The following DIP2A variants were observed in gnomAD, a reference collection of about 807,000 sequenced individuals.
DIP2A encodes disco-interacting protein 2 homolog A.
Under a neutral mutation model 177.4 loss-of-function variants are expected in DIP2A, and 85 were observed. The ratio of observed to expected loss-of-function variants is 0.48; its 90% confidence interval spans 0.40 to 0.57. DIP2A has a LOEUF of 0.57. Ranked by LOEUF, DIP2A falls within the 20% of genes least tolerant of loss-of-function variation. The probability of loss-of-function intolerance (pLI) is 0.00; values close to 1 mark genes in which losing one functional copy is unlikely to be tolerated. For synonymous variants in DIP2A, 886 were observed against 881.8 expected (o/e 1.00, Z -0.08); for missense variants, 1,791 against 2,100.2 (o/e 0.85, Z 2.88).
At chr21:46,543,599 G>A (rs1000064049) in intron 18 of DIP2A, among the ~76,000 whole-genome samples, 6 of 107,576 alleles carry the variant, frequency 5.6e-5, no homozygotes, top group Non-Finnish European at 9.9e-5. Flanking sequence ...CACAGCCCCC[G>A]GGCTGTACCC....
intron 8 of DIP2A, among the ~76,000 whole-genome samples, chr21:46,527,394 C>T (rs574110050): frequency 1.1e-4 from 15 of 137,230 alleles, no homozygotes; most frequent in Admixed American, 7.9e-5. Flanking sequence ...GGCACAGTCT[C>T]GTCTCACTGC....
chr21:46,549,743 G>A, intron 21 of DIP2A, 28 bp from the exon 22 acceptor site: 1 of 1,611,592 alleles, frequency 6.2e-7, no homozygotes, highest in Non-Finnish European at 8.5e-7. Context: ...CTCTTGCCGT[G>A]TGGCCATTTC....
intron 1 of DIP2A, among the ~76,000 whole-genome samples, chr21:46,476,079 CAAA>C (rs34733342): frequency 1.6e-4 from 22 of 134,578 alleles, no homozygotes; most frequent in Non-Finnish European, 1.6e-4. Flanking sequence ...ACTAAAAATA[CAAA>C]AAAAAAAAAA....
intron 23 of DIP2A, 138 bp from the exon 24 acceptor site, chr21:46,551,496 T>C: frequency 1.4e-6 from 1 of 728,516 alleles, no homozygotes; most frequent in South Asian, 1.9e-5. Flanking sequence ...TAGCTAGCTT[T>C]CTGAATATTT....
intron 23 of DIP2A, 145 bp downstream of exon 23, chr21:46,550,889 C>T: frequency 2.4e-6 from 2 of 840,256 alleles, no homozygotes; most frequent in Admixed American, 2.5e-5. Flanking sequence ...GAGTGTGCAC[C>T]CCAGAATGGT....
intron 8 of DIP2A, among the ~76,000 whole-genome samples, chr21:46,514,253 TGA>T (rs2058445231): frequency 6.6e-6 from 1 of 151,958 alleles, no homozygotes; most frequent in Admixed American, 6.6e-5. Flanking sequence ...GCTAACGCGG[TGA>T]AACCCCGTCT....
At chr21:46,554,339 C>T in intron 26 of DIP2A, 47 bp downstream of exon 26, 1 of 1,607,768 alleles carries the variant, frequency 6.2e-7, no homozygotes, top group East Asian at 2.2e-5. Context: ...TGTAAGCAGC[C>T]TCCTATCCTA....
Position 46,537,171 on chromosome 21 carries a change from A to G in DIP2A, c.1643-53A>G. 2 of 1,585,722 alleles carry G rather than the reference A, an allele frequency of 1.3e-6. No homozygotes were observed. The highest frequency in any genetic ancestry group is 1.7e-6 in the Non-Finnish European group (2 of 1,154,148). On this transcript the variant is annotated intron_variant, in intron 13 of 37. Coordinates refer to ENST00000417564, the MANE Select transcript of DIP2A (RefSeq NM_015151.4). This position sits in a 1 kb window ranked among gnomAD's most constrained non-coding sequence, Gnocchi z 4.1. ...CTCAGAATTTCTCTAGAAAATGCAT[A>G]GGGCTTATTGAGAGGGTTGCTCAGT...
chr21:46,582,195 G>T, the DIP2A span, among the ~76,000 whole-genome samples: 1 of 152,190 alleles, frequency 6.6e-6, no homozygotes, highest in Non-Finnish European at 1.5e-5. Context: ...ATGGATCTGG[G>T]TCCCACCTAA....
rs2060516937 is a variant in DIP2A at position 46,557,722 on chromosome 21, A to G, written c.3767A>G (p.Lys1256Arg). 1 of 1,612,934 alleles carries G rather than the reference A, an allele frequency of 6.2e-7. No homozygotes were observed. The highest frequency in any genetic ancestry group is 1.7e-4 in the Middle Eastern group (1 of 6,060). Residue 1256 changes from lysine to arginine, a missense_variant, in exon 31 of 38, where the codon AAG (lysine) becomes AGG (arginine). Coordinates refer to ENST00000417564, the MANE Select transcript of DIP2A (RefSeq NM_015151.4). The surrounding 1 kb of genome is among the most constrained non-coding windows in gnomAD (Gnocchi z 6.0). ...CSYSVMEMCT[K>R]GLGAQTGVLR... ...TACTCTGTGATGGAGATGTGCACCAAGGGCCTAGGCGCACAGACGGGTGTC... is the reference window on the plus strand; with the variant it reads ...TACTCTGTGATGGAGATGTGCACCAGGGGCCTAGGCGCACAGACGGGTGTC...
intron 1 of DIP2A, among the ~76,000 whole-genome samples, chr21:46,467,295 C>CAAAA (rs527776306): frequency 4.4e-5 from 5 of 113,462 alleles, no homozygotes; most frequent in Non-Finnish European, 5.4e-5. Context: ...GACTCCGTCT[C>CAAAA]AAAAAAAAAA....
chr21:46,565,275 G>A (rs964349263), intron 35 of DIP2A, among the ~76,000 whole-genome samples: 2 of 152,368 alleles, frequency 1.3e-5, no homozygotes, highest in South Asian at 2.1e-4. Context: ...ACCCTGGGAT[G>A]TGCCGTCTGT....
chr21:46,501,750 T>G (rs1004921202), intron 5 of DIP2A, among the ~76,000 whole-genome samples: 4 of 152,226 alleles, frequency 2.6e-5, no homozygotes, highest in Admixed American at 6.5e-5. Flanking sequence ...AAAAACTACT[T>G]GTAGTACATG....
intron 36 of DIP2A, 104 bp from the exon 37 acceptor site, chr21:46,566,456 A>C: frequency 1.3e-6 from 2 of 1,493,666 alleles, no homozygotes; most frequent in Non-Finnish European, 1.8e-6. Flanking sequence ...TTCAGTTGAG[A>C]CCTCCCTGTG....
chr21:46,494,994 A>G (rs532260942), intron 3 of DIP2A, among the ~76,000 whole-genome samples: 2 of 152,144 alleles, frequency 1.3e-5, no homozygotes, highest in South Asian at 2.1e-4. Context: ...GCTGATTGCT[A>G]TTGGGCTGAT....
rs1287984385 is a variant in DIP2A at position 46,556,017 on chromosome 21, A to G, written c.3424A>G (p.Arg1142Gly). 2 of 1,613,780 alleles carry G rather than the reference A, an allele frequency of 1.2e-6. No individual in the cohort carries two copies. The highest frequency in any genetic ancestry group is 1.3e-5 in the African/African-American group (1 of 74,910). ...IPKKKIASVFRPPSPDVLAYL... is the reference protein window; with the variant it reads ...IPKKKIASVFGPPSPDVLAYL... ...AAAAAAGAAGATAGCAAGCGTTTTC[A>G]GGCCCCCCTCCCCCGATGTCCTCGC... Residue 1142 changes from arginine (R) to glycine (G), a missense_variant, in exon 29 of 38, where the codon AGG becomes GGG. Physicochemically the swap from Arg to Gly is moderately radical, Grantham distance 125. Coordinates refer to ENST00000417564, the MANE Select transcript of DIP2A (RefSeq NM_015151.4). The surrounding 1 kb of genome is among the most constrained non-coding windows in gnomAD (Gnocchi z 4.5).
At chr21:46,561,887 G>C in intron 34 of DIP2A, 82 bp downstream of exon 34, 1 of 1,577,032 alleles carries the variant, frequency 6.3e-7, no homozygotes, top group Admixed American at 1.8e-5. Flanking sequence ...GGTGCTGGGG[G>C]CTGCGGCTCT....
chr21:46,480,535 G>T lies in DIP2A; in HGVS notation c.92-4222G>T, dbSNP rs529972582. Reference sequence around the variant, plus strand: ...TGTGTCGGCACCTCCAGTAGGACCTGTCTAGTCGTGGCAGCTGTGGGCTTT... The same window carrying T: ...TGTGTCGGCACCTCCAGTAGGACCTTTCTAGTCGTGGCAGCTGTGGGCTTT... On this transcript the variant is annotated intron_variant, in intron 1 of 37. Transcript: ENST00000417564. Among the ~76,000 whole-genome samples, 27 of 152,302 alleles carry T rather than the reference G, an allele frequency of 1.8e-4. 1 individual carries two copies. Among genetic ancestry groups the T allele is most frequent in the South Asian group, 1.0e-3 (5 of 4,826 alleles).
At chr21:46,495,179 TTTCTCTTCTC>T (rs373831760) in intron 3 of DIP2A, among the ~76,000 whole-genome samples, 1,864 of 72,316 alleles carry the variant, frequency 0.026, 88 homozygotes, top group Non-Finnish European at 0.038. Context: ...TCTTTCGCTT[TTTCTCTTCTC>T]TTCTCTTCTC....
Sources: allele counts gnomAD v4.1 joint callset (sites outside exome capture counted in the v4.1 genomes callset), GRCh38; gene constraint gnomAD v4.1.1; non-coding constraint Gnocchi (gnomAD v3.1); transcripts MANE v1.5; gene names NCBI Gene and HGNC (gene_info 2026-07-23, HGNC 2026-07-21).